COPS2: variants seen among roughly 807,000 people sequenced by gnomAD.
COPS2 encodes the protein COP9 signalosome complex subunit 2.
Under a neutral mutation model 66.1 loss-of-function variants are expected in COPS2, and 10 were observed. The ratio of observed to expected loss-of-function variants is 0.15; its 90% CI spans 0.09 to 0.26. The LOEUF is 0.26. Ranked by LOEUF, COPS2 falls within the 10% of genes least tolerant of loss-of-function variation. COPS2 has a pLI of 1.00. For synonymous variants in COPS2, 179 were observed against 171.3 expected (o/e 1.04, Z -0.35); for missense variants, 215 against 513.3 (o/e 0.42, Z 5.62).
chr15:49,150,156 C>G (rs552520878), intron 1 of COPS2, among the ~76,000 whole-genome samples: 1 of 150,906 alleles, frequency 6.6e-6, no homozygotes, highest in African/African-American at 2.4e-5. Flanking sequence ...GGCATGGTGG[C>G]GCATGCCTGT....
chr15:49,136,705 G>A (rs1392982724), intron 6 of COPS2, among the ~76,000 whole-genome samples: 1 of 151,980 alleles, frequency 6.6e-6, no homozygotes, highest in East Asian at 1.9e-4. Context: ...TAAAGATTGA[G>A]GGGCCAGGCA....
intron 3 of COPS2, among the ~76,000 whole-genome samples, chr15:49,143,879 A>C (rs1595824400): frequency 6.6e-6 from 1 of 151,930 alleles, no homozygotes; most frequent in Non-Finnish European, 1.5e-5. Flanking sequence ...CCAGCTACTC[A>C]GGAGGCTGAG....
In COPS2 at chr15:49,144,287, A is replaced by G. The variant is rs2084307428; in HGVS notation, c.186T>C (p.Gly62=). The change falls in exon 3 of 13, where the codon GGT becomes GGC. Residue 62 remains glycine (G), a synonymous_variant. Transcript: ENST00000388901. ...CTTTAAATCCCCATTCTCCTTTTTC[A>G]CCTTCAAGTTCCAAAACCTAAAAAG... is the stretch of plus-strand genomic sequence containing the variant. ...SSFQKVLELE[G]EKGEWGFKAL... 1 of 1,608,160 alleles carries G rather than the reference A, an allele frequency of 6.2e-7. No individual in the cohort carries two copies. Among genetic ancestry groups the G allele is most frequent in the African/African-American group, 1.3e-5 (1 of 74,692 alleles).
chr15:49,147,725 C>CAAAAAAAAAAAA (rs34315247), intron 1 of COPS2, among the ~76,000 whole-genome samples: 1 of 94,832 alleles, frequency 1.1e-5, no homozygotes, highest in Non-Finnish European at 2.0e-5. Flanking sequence ...GTTACAACTC[C>CAAAAAAAAAAAA]AAAAAAAAAA....
chr15:49,126,602 T>TA lies in COPS2; in HGVS notation c.*1347dup, dbSNP rs1203238818. 6.6e-6 allele frequency: 1 copy of TA among 152,348 alleles called. No individual in the cohort carries two copies. The highest frequency in any genetic ancestry group is 1.5e-5 in the Non-Finnish European group (1 of 67,942). 9.4% of individuals were successfully genotyped at this position (152,348 alleles called of 1,614,324 possible). A position where few individuals can be genotyped will look rare whatever the true frequency, so the allele number is the denominator to read the frequency against. On this transcript the variant is annotated 3_prime_UTR_variant, in exon 13 of 13. Coordinates refer to ENST00000388901, the MANE Select transcript of COPS2 (RefSeq NM_004236.4). ...ACACTATAAAATAATGTGAACTTTT[T>TA]AAAAAATGAAACAAATACATCCAAA...
Position 49,137,173 on chromosome 15 carries a change from G to C in COPS2, c.517C>G (p.Arg173Gly). 6.2e-7 allele frequency: 1 copy of C among 1,603,116 alleles called. No individual in the cohort carries two copies. Among genetic ancestry groups the C allele is most frequent in the South Asian group, 1.1e-5 (1 of 87,826 alleles). ...EEYGKLQKIL[R>G]QLHQSCQTDD... ...ACCTGGCACGACTGATGTAACTGGC[G>C]TAAAATTTTTTGAAGCTTTCCATAT... is the stretch of plus-strand genomic sequence containing the variant. Residue 173 changes from arginine (R) to glycine (G), a missense_variant, in exon 6 of 13, where the codon CGC (arginine) becomes GGC (glycine). Around this residue, in one of 5 missense-constraint regions of COPS2, gnomAD observed 90 missense variants for 225.1 expected, o/e 0.40. Transcript: ENST00000388901.
At chr15:49,153,942 G>A (rs1186273713) in intron 1 of COPS2, among the ~76,000 whole-genome samples, 1 of 152,180 alleles carries the variant, frequency 6.6e-6, no homozygotes, top group African/African-American at 2.4e-5. Context: ...CCAACAGTTA[G>A]ATAGAAGGAG....
intron 1 of COPS2, 124 bp downstream of exon 1, chr15:49,155,401 G>T: frequency 1.2e-6 from 1 of 854,920 alleles, no homozygotes; most frequent in Non-Finnish European, 1.9e-6. Flanking sequence ...AACCAGTCCT[G>T]TCACCGCACT....
intron 9 of COPS2, among the ~76,000 whole-genome samples, chr15:49,133,093 A>G (rs1039778658): frequency 2.7e-5 from 4 of 146,140 alleles, no homozygotes; most frequent in Non-Finnish European, 5.9e-5. Flanking sequence ...GGTTCATGCC[A>G]TTCTCCTGCC....
chr15:49,135,534 T>A (rs981107738), intron 6 of COPS2, among the ~76,000 whole-genome samples: 5 of 152,210 alleles, frequency 3.3e-5, no homozygotes, highest in African/African-American at 1.2e-4. Context: ...GGGACTAACC[T>A]TCCTGGAGGA....
Position 49,133,571 on chromosome 15 carries a change from T to A in COPS2, c.947+188A>T, listed in dbSNP as rs528853701. On this transcript the variant is annotated intron_variant, in intron 9 of 12. Coordinates refer to ENST00000388901, the MANE Select transcript of COPS2 (RefSeq NM_004236.4). ...TAATAGGAAAACTAAGTAGATACTT[T>A]ATAAAATCTTGTGGCTACAGAAAAT... Among the ~76,000 whole-genome samples, 138 of 151,484 alleles carry A rather than the reference T, an allele frequency of 9.1e-4. 5 individuals are homozygous for A. In the South Asian group the frequency reaches 0.028, roughly 30 times the overall value.
intron 4 of COPS2, 114 bp from the exon 5 acceptor site, chr15:49,137,551 AC>A: frequency 7.9e-6 from 6 of 756,452 alleles, no homozygotes; most frequent in Non-Finnish European, 1.3e-5. Context: ...CATAAGATAC[AC>A]TATCTGTATC....
chr15:49,149,779 T>G (rs915950717), intron 1 of COPS2, among the ~76,000 whole-genome samples: 1 of 152,190 alleles, frequency 6.6e-6, no homozygotes, highest in African/African-American at 2.4e-5. Context: ...CCATTAACAA[T>G]GCTTTCTGAG....
At position 49,127,099 on chromosome 15, in the gene COPS2, C is replaced by G. The variant is rs2084172710; in HGVS notation, c.*851G>C. On this transcript the variant is annotated 3_prime_UTR_variant, in exon 13 of 13. Transcript: ENST00000388901. The stretch of plus-strand genomic sequence containing the variant: ...TATTCTTTTGAAAAGGAATATCACT[C>G]TTTAAAAAAAAAGAATTTTATTCCT... The G allele has an allele frequency of 6.6e-6, 1 of 151,930 alleles. No homozygotes were observed. The highest frequency in any genetic ancestry group is 1.5e-5 in the Non-Finnish European group (1 of 67,942). 9.4% of individuals were successfully genotyped at this position (151,930 alleles called of 1,614,324 possible).
rs576031410 is a variant in COPS2 at position 49,124,394 on chromosome 15, A to G, written c.*3556T>C. The stretch of plus-strand genomic sequence containing the variant: ...TCCAAAAAAAGCAAAACAAAAACAA[A>G]AACAAAAAAACCGTATCAAACAAAT... On this transcript the variant is annotated 3_prime_UTR_variant, in exon 13 of 13. Transcript: ENST00000388901. 6.6e-6 allele frequency: 1 copy of G among 152,210 alleles called. No homozygotes were observed. Among genetic ancestry groups the G allele is most frequent in the East Asian group, 1.9e-4 (1 of 5,174 alleles). The allele number at this position is 152,210 out of a possible 1,614,324, so 9.4% of individuals were successfully genotyped here.
At chr15:49,139,403 G>T in intron 4 of COPS2, 125 bp downstream of exon 4, 1 of 731,398 alleles carries the variant, frequency 1.4e-6, no homozygotes. Context: ...CATTTTTAAA[G>T]CATACTAATA....
chr15:49,135,107 A>C (rs944864449), intron 6 of COPS2, among the ~76,000 whole-genome samples: 3 of 152,218 alleles, frequency 2.0e-5, no homozygotes, highest in African/African-American at 7.2e-5. Flanking sequence ...ACTGTAATAA[A>C]AGTTATGTGA....
intron 3 of COPS2, among the ~76,000 whole-genome samples, chr15:49,141,002 A>G (rs2084286437): frequency 6.6e-6 from 1 of 152,036 alleles, no homozygotes; most frequent in Non-Finnish European, 1.5e-5. Context: ...AAAAAAAAAA[A>G]GGATAGAACT....
intron 1 of COPS2, among the ~76,000 whole-genome samples, chr15:49,154,013 A>C (rs1411967619): frequency 6.6e-6 from 1 of 152,202 alleles, no homozygotes; most frequent in Non-Finnish European, 1.5e-5. Flanking sequence ...TTTATATTTC[A>C]AAATATCTAG....
Sources: allele counts gnomAD v4.1 joint callset (sites outside exome capture counted in the v4.1 genomes callset), GRCh38; gene constraint gnomAD v4.1.1; regional missense constraint gnomAD v4.1.1; transcripts MANE v1.5; gene names NCBI Gene and HGNC (gene_info 2026-07-23, HGNC 2026-07-21).